Variants in HOXB3 observed in about 807,000 individuals in gnomAD.
HOXB3 encodes the protein homeobox B3.
In HOXB3, 17 loss-of-function variants were observed where a neutral mutation model predicts 29.2. The ratio of observed to expected loss-of-function variants is 0.58; its 90% CI spans 0.40 to 0.87. The LOEUF (loss-of-function observed/expected upper bound fraction) is 0.87. HOXB3 is among the 40% of genes least tolerant of loss of function. The probability of loss-of-function intolerance (pLI) is 0.00; values close to 1 mark genes in which losing one functional copy is unlikely to be tolerated. For synonymous variants in HOXB3, 317 were observed against 285.9 expected, an observed-to-expected ratio of 1.11 and a Z score of -1.10; for missense variants, 637 against 616.3, an observed-to-expected ratio of 1.03 and a Z score of -0.35.
At chr17:48,557,830 C>T (rs530368225) in intron 2 of HOXB3, among the ~76,000 whole-genome samples, 3 of 152,248 alleles carry the variant, frequency 2.0e-5, no homozygotes, top group African/African-American at 2.4e-5. Context: ...ACTTGGGGCT[C>T]AAGCCAGCCT....
At chr17:48,565,751 C>T (rs1421357267) in intron 2 of HOXB3, among the ~76,000 whole-genome samples, 1 of 152,188 alleles carries the variant, frequency 6.6e-6, no homozygotes, top group Non-Finnish European at 1.5e-5. Flanking sequence ...TCCCACTGCC[C>T]TTGTTCTCAC....
rs60329254 is a variant in HOXB3 at position 48,549,899 on chromosome 17, G to GA, written c.*434dup. On this transcript the variant is annotated 3_prime_UTR_variant, in exon 5 of 5. Coordinates refer to ENST00000498678, the MANE Select transcript of HOXB3 (RefSeq NM_001384749.1). ...TCTTATTTTTTAAAGGATAATTGAGGAAAAAAAAAAATCAAGATTTGGGGG... is the reference window on the plus strand; with the variant it reads ...TCTTATTTTTTAAAGGATAATTGAGGAAAAAAAAAAAATCAAGATTTGGGGG... 5.2e-3 allele frequency: 807 copies of GA among 155,454 alleles called. 4 individuals are homozygous for GA. The highest frequency in any genetic ancestry group is 0.018 in the African/African-American group (719 of 41,026). The allele number at this position is 155,454 out of a possible 1,614,324, so 9.6% of individuals were successfully genotyped here.
intron 2 of HOXB3, among the ~76,000 whole-genome samples, chr17:48,572,700 G>C (rs906482840): frequency 1.3e-5 from 2 of 152,070 alleles, no homozygotes; most frequent in Non-Finnish European, 2.9e-5. Context: ...AAATCTTTAC[G>C]TTTTTTTCCC....
chr17:48,580,497 T>A (rs2069911139), intron 1 of HOXB3: 1 of 151,334 alleles, frequency 6.6e-6, no homozygotes, highest in African/African-American at 2.4e-5. Flanking sequence ...TTTGGAAAAA[T>A]TCAGTGGTAA....
At position 48,549,114 on chromosome 17, in the gene HOXB3, A is replaced by G. The variant is rs1168673151; in HGVS notation, c.*1220T>C. 1 of 152,690 alleles carries G rather than the reference A, an allele frequency of 6.5e-6. No homozygotes were observed. The highest frequency in any genetic ancestry group is 1.5e-5 in the Non-Finnish European group (1 of 68,042). 9.5% of individuals were successfully genotyped at this position (152,690 alleles called of 1,614,324 possible). ...CTTTTCTAGAGTACAATAGTAACTA[A>G]AATAGCTGGTTTTACATGACAGGAA... On this transcript the variant is annotated 3_prime_UTR_variant, in exon 5 of 5. Transcript: ENST00000498678.
chr17:48,558,321 C>A (rs1418991262), intron 2 of HOXB3, among the ~76,000 whole-genome samples: 2 of 152,068 alleles, frequency 1.3e-5, no homozygotes, highest in African/African-American at 4.8e-5. Context: ...CTCCTCAACT[C>A]TTTGTGGTCC....
chr17:48,567,183 C>T (rs1962485305), intron 2 of HOXB3, among the ~76,000 whole-genome samples: 1 of 152,150 alleles, frequency 6.6e-6, no homozygotes, highest in Admixed American at 6.5e-5. Context: ...ACTGAGAATC[C>T]CTTGTTAACA....
intron 2 of HOXB3, chr17:48,556,552 A>AAAAAAAAAC (rs1190744955): frequency 1.6e-4 from 3 of 19,020 alleles, no homozygotes; most frequent in African/African-American, 5.0e-4. Flanking sequence ...CCAGAACTTA[A>AAAAAAAAAC]AAAAAAAAAA....
At chr17:48,568,238 G>A (rs1231741780) in intron 2 of HOXB3, among the ~76,000 whole-genome samples, 1 of 152,166 alleles carries the variant, frequency 6.6e-6, no homozygotes, top group Non-Finnish European at 1.5e-5. Flanking sequence ...CTAAAAAATG[G>A]AGCTCTGTCT....
chr17:48,551,105 GCCGCCGCCGCCA>G lies in HOXB3; in HGVS notation c.513_524del (p.Gly175_Gly178del). The G allele has an allele frequency of 7.5e-7, 1 of 1,335,300 alleles. No homozygotes were observed. Among genetic ancestry groups the G allele is most frequent in the Admixed American group, 3.0e-5 (1 of 33,048 alleles). The allele number at this position is 1,335,300 out of a possible 1,614,324, so 82.7% of individuals were successfully genotyped here. Reference sequence around the variant, plus strand: ...CCGGGGGGCTCTTGTCCCCTCCCCCGCCGCCGCCGCCACCGCCCCCGCTGCCACCACTGCCTC... The same window carrying G: ...CCGGGGGGCTCTTGTCCCCTCCCCCGCCGCCCCCGCTGCCACCACTGCCTC... On this transcript the variant is annotated inframe_deletion, in exon 5 of 5. Transcript: ENST00000498678.
In HOXB3 at chr17:48,549,921, G is replaced by A. The variant is rs765976002; in HGVS notation, c.*413C>T. The A allele has an allele frequency of 5.0e-4, 81 of 162,768 alleles. No individual in the cohort carries two copies. The highest frequency in any genetic ancestry group is 8.9e-4 in the Non-Finnish European group (66 of 74,184). The allele number at this position is 162,768 out of a possible 1,614,324, so 10.1% of individuals were successfully genotyped here. On this transcript the variant is annotated 3_prime_UTR_variant, in exon 5 of 5. Coordinates refer to ENST00000498678, the MANE Select transcript of HOXB3 (RefSeq NM_001384749.1). ...GAGGAAAAAAAAAAATCAAGATTTGGGGGGAATTACCTACAAAGATGTAAG... is the reference window on the plus strand; with the variant it reads ...GAGGAAAAAAAAAAATCAAGATTTGAGGGGAATTACCTACAAAGATGTAAG...
chr17:48,552,554 G>T lies in HOXB3; in HGVS notation c.-80C>A. 2 of 1,130,666 alleles carry T rather than the reference G, an allele frequency of 1.8e-6. No individual in the cohort carries two copies. The highest frequency in any genetic ancestry group is 1.6e-5 in the South Asian group (1 of 61,292). 70.0% of individuals were successfully genotyped at this position (1,130,666 alleles called of 1,614,324 possible). On this transcript the variant is annotated 5_prime_UTR_variant, in exon 4 of 5. Coordinates refer to ENST00000498678, the MANE Select transcript of HOXB3 (RefSeq NM_001384749.1). Reference sequence around the variant, plus strand: ...GGACCGGACATTGGCAACCCTGGGGGTCACGTGACACGCCGGACCCCCCCC... The same window carrying T: ...GGACCGGACATTGGCAACCCTGGGGTTCACGTGACACGCCGGACCCCCCCC...
chr17:48,564,549 AG>A (rs2069324304), intron 2 of HOXB3, among the ~76,000 whole-genome samples: 1 of 152,210 alleles, frequency 6.6e-6, no homozygotes, highest in Non-Finnish European at 1.5e-5. Context: ...CGGGCCGCGC[AG>A]GGCTGCGGGA....
chr17:48,573,907 TGAGAGAAA>T lies in HOXB3; in HGVS notation c.-325_-318del. 1 of 700,168 alleles carries T rather than the reference TGAGAGAAA, an allele frequency of 1.4e-6. No homozygotes were observed. Among genetic ancestry groups the T allele is most frequent in the South Asian group, 1.5e-5 (1 of 66,932 alleles). 43.4% of individuals were successfully genotyped at this position (700,168 alleles called of 1,614,324 possible). ...TCATGACGAAGGGCTTCTTCCAAAC[TGAGAGAAA>T]AAAGTTTTCAACTTTATGGTTCCAA... On this transcript the variant is annotated 5_prime_UTR_variant, in exon 2 of 5. Coordinates refer to ENST00000498678, the MANE Select transcript of HOXB3 (RefSeq NM_001384749.1).
chr17:48,578,150 C>T, intron 1 of HOXB3: 5 of 1,586,972 alleles, frequency 3.2e-6, no homozygotes, highest in Non-Finnish European at 4.3e-6. Context: ...GCACGCCGCG[C>T]GCCGCCCGAA....
chr17:48,557,692 T>C (rs747491437), intron 2 of HOXB3, among the ~76,000 whole-genome samples: 1 of 151,980 alleles, frequency 6.6e-6, no homozygotes, highest in African/African-American at 2.4e-5. Flanking sequence ...GAAGCACGGG[T>C]TGGGGGACAT....
Position 48,550,909 on chromosome 17 carries a change from T to C in HOXB3, c.721A>G (p.Met241Val). ...GCCTTCTGGTCCTTCTTGTACTTCA[T>C]GCGCCGGTTCTGGAACCAGATCTTG... ...QIKIWFQNRRMKYKKDQKAKG... is the reference protein window; with the variant it reads ...QIKIWFQNRRVKYKKDQKAKG... Residue 241 changes from methionine to valine, a missense_variant, in exon 5 of 5, where the codon ATG becomes GTG. Coordinates refer to ENST00000498678, the MANE Select transcript of HOXB3 (RefSeq NM_001384749.1). 2 of 1,613,934 alleles carry C rather than the reference T, an allele frequency of 1.2e-6. No individual in the cohort carries two copies. Among genetic ancestry groups the C allele is most frequent in the Non-Finnish European group, 1.7e-6 (2 of 1,179,930 alleles).
At chr17:48,573,787 G>T (rs747767584) in intron 2 of HOXB3, 50 bp downstream of exon 2, 2 of 681,718 alleles carry the variant, frequency 2.9e-6, no homozygotes, top group South Asian at 3.2e-5. Context: ...GTTGTGAAAA[G>T]AGCTCATAAA....
intron 2 of HOXB3, among the ~76,000 whole-genome samples, chr17:48,561,175 C>T (rs1220800455): frequency 3.9e-5 from 5 of 128,302 alleles, no homozygotes; most frequent in African/African-American, 6.0e-5. Flanking sequence ...AGCGAAACTC[C>T]GTCTCAAAAC....
Sources: gnomAD v4.1 joint callset for allele counts (sites outside exome capture counted in the v4.1 genomes callset) on GRCh38, gnomAD v4.1.1 for gene constraint, MANE v1.5 for transcripts, NCBI Gene and HGNC (gene_info 2026-07-23, HGNC 2026-07-21) for gene names.